SIK2: variants seen among roughly 807,000 people sequenced by gnomAD.
SIK2 encodes serine/threonine-protein kinase SIK2.
Under a neutral mutation model 103.2 loss-of-function variants are expected in SIK2, and 29 were observed. The observed-to-expected ratio is 0.28, with a 90% CI of 0.21 to 0.38. SIK2 has a LOEUF of 0.38. SIK2 is among the 10% of genes least tolerant of loss of function. SIK2 has a pLI of 1.00. For missense variants in SIK2, 879 were observed against 1,171.0 expected, an observed-to-expected ratio of 0.75 and a Z score of 3.64; for synonymous variants, 412 against 446.1, an observed-to-expected ratio of 0.92 and a Z score of 0.96.
At chr11:111,636,098 A>G (rs1372098383) in intron 3 of SIK2, among the ~76,000 whole-genome samples, 1 of 152,196 alleles carries the variant, frequency 6.6e-6, no homozygotes, top group East Asian at 1.9e-4. Context: ...GTGAAAGGGG[A>G]TAACCAGAGG....
At chr11:111,647,131 T>A (rs770227275) in intron 3 of SIK2, among the ~76,000 whole-genome samples, 1 of 152,234 alleles carries the variant, frequency 6.6e-6, no homozygotes, top group Non-Finnish European at 1.5e-5. Context: ...ACTGTTATAG[T>A]AGTCCATCAA....
At chr11:111,638,874 G>GT (rs1228867672) in intron 3 of SIK2, among the ~76,000 whole-genome samples, 1 of 151,570 alleles carries the variant, frequency 6.6e-6, no homozygotes, top group Non-Finnish European at 1.5e-5. Flanking sequence ...TGTTGTTGTT[G>GT]TTTTTTTGTT....
chr11:111,603,736 T>A (rs1325590990), intron 1 of SIK2, among the ~76,000 whole-genome samples: 1 of 152,224 alleles, frequency 6.6e-6, no homozygotes, highest in Non-Finnish European at 1.5e-5. Flanking sequence ...TGACGTACTC[T>A]ACTCTGCCTT....
chr11:111,687,458 T>C (rs1942860559), intron 3 of SIK2, among the ~76,000 whole-genome samples: 1 of 147,310 alleles, frequency 6.8e-6, no homozygotes, highest in African/African-American at 2.5e-5. Context: ...GAGGTTACAG[T>C]GAGCTGAGAT....
chr11:111,636,410 T>C (rs180996405), intron 3 of SIK2, among the ~76,000 whole-genome samples: 1 of 152,358 alleles, frequency 6.6e-6, no homozygotes, highest in Admixed American at 6.5e-5. Context: ...AGCAATACAT[T>C]ATTTATTGAG....
chr11:111,701,407 T>C lies in SIK2; in HGVS notation c.604-45T>C. ...GGATGTTCAGGAAAACAAAGAGTGT[T>C]TGACGTTCTTGGTAGAAAAGTCTCT... is the stretch of plus-strand genomic sequence containing the variant. On this transcript the variant is annotated intron_variant, in intron 5 of 14. Transcript: ENST00000304987. This position sits in a 1 kb window ranked among gnomAD's most constrained non-coding sequence, Gnocchi z 4.2. 6.3e-7 allele frequency: 1 copy of C among 1,595,302 alleles called. No individual in the cohort carries two copies. The highest frequency in any genetic ancestry group is 1.3e-5 in the African/African-American group (1 of 74,570).
intron 3 of SIK2, among the ~76,000 whole-genome samples, chr11:111,684,511 A>T (rs1266039646): frequency 6.6e-6 from 1 of 152,226 alleles, no homozygotes; most frequent in African/African-American, 2.4e-5. Context: ...TTAGCGGTAC[A>T]GCTTAAATAG....
chr11:111,676,416 A>T (rs1372581335), intron 3 of SIK2, among the ~76,000 whole-genome samples: 4 of 152,216 alleles, frequency 2.6e-5, no homozygotes, highest in Non-Finnish European at 5.9e-5. Context: ...CAGCCTTGCC[A>T]GCATCTCTTC....
chr11:111,716,381 A>G (rs1943641950), intron 9 of SIK2, among the ~76,000 whole-genome samples: 1 of 151,698 alleles, frequency 6.6e-6, no homozygotes. Flanking sequence ...GTTCAAGAAC[A>G]GCCTGGCCAA....
In SIK2 at chr11:111,722,350, T is replaced by C. The variant is rs1943827315; in HGVS notation, c.2056-315T>C. Reference sequence around the variant, plus strand: ...GATCCCGTAAAGGATGAATCATTCATTCAGCGGGTGCTGGGGCCTTTGCTC... The same window carrying C: ...GATCCCGTAAAGGATGAATCATTCACTCAGCGGGTGCTGGGGCCTTTGCTC... On this transcript the variant is annotated intron_variant, in intron 13 of 14. Transcript: ENST00000304987. The surrounding 1 kb of genome is among the most constrained non-coding windows in gnomAD (Gnocchi z 4.4). Among the ~76,000 whole-genome samples the C allele has an allele frequency of 1.3e-5, 2 of 152,274 alleles. No homozygotes were observed. Among genetic ancestry groups the C allele is most frequent in the African/African-American group, 4.8e-5 (2 of 41,474 alleles).
intron 4 of SIK2, among the ~76,000 whole-genome samples, chr11:111,694,688 A>T (rs1943029183): frequency 6.6e-6 from 1 of 152,230 alleles, no homozygotes; most frequent in African/African-American, 2.4e-5. Context: ...GTAAAAAGTA[A>T]AAAGAGCTTT....
intron 3 of SIK2, among the ~76,000 whole-genome samples, chr11:111,685,991 G>A (rs1422401811): frequency 1.3e-5 from 2 of 152,170 alleles, no homozygotes; most frequent in East Asian, 3.8e-4. Context: ...TACAAATTCA[G>A]CCAGATTACT....
intron 3 of SIK2, among the ~76,000 whole-genome samples, chr11:111,634,849 C>A (rs1197107987): frequency 6.6e-6 from 1 of 152,188 alleles, no homozygotes; most frequent in Non-Finnish European, 1.5e-5. Context: ...GATTTACAGA[C>A]AAACTTTGCT....
intron 3 of SIK2, among the ~76,000 whole-genome samples, chr11:111,622,702 T>A (rs77438308): frequency 1.1e-5 from 1 of 94,484 alleles, no homozygotes; most frequent in Non-Finnish European, 2.7e-5. Flanking sequence ...GGACTTTTTT[T>A]CTTTCAGTAC....
chr11:111,689,407 G>A (rs1942896174), intron 4 of SIK2, among the ~76,000 whole-genome samples: 1 of 152,156 alleles, frequency 6.6e-6, no homozygotes, highest in South Asian at 2.1e-4. Flanking sequence ...TGGAAGACAG[G>A]AAGACTAATA....
chr11:111,653,263 A>C (rs1942349972), intron 3 of SIK2, among the ~76,000 whole-genome samples: 1 of 152,226 alleles, frequency 6.6e-6, no homozygotes, highest in Admixed American at 6.5e-5. Context: ...GTTTAGTTGG[A>C]GATTCTTTAG....
At chr11:111,709,963 G>A (rs1943453696) in intron 8 of SIK2, among the ~76,000 whole-genome samples, 4 of 152,216 alleles carry the variant, frequency 2.6e-5, no homozygotes, top group Admixed American at 2.0e-4. Context: ...GTGTGTCGTA[G>A]TTAGGGCATG....
In SIK2 at chr11:111,727,534, C is replaced by T; in HGVS notation, c.*3405C>T. 1 of 167,394 alleles carries T rather than the reference C, an allele frequency of 6.0e-6. No individual in the cohort carries two copies. Among genetic ancestry groups the T allele is most frequent in the Non-Finnish European group, 1.3e-5 (1 of 76,358 alleles). The allele number at this position is 167,394 out of a possible 1,614,324, so 10.4% of individuals were successfully genotyped here. On this transcript the variant is annotated 3_prime_UTR_variant, in exon 15 of 15. Coordinates refer to ENST00000304987, the MANE Select transcript of SIK2 (RefSeq NM_015191.3). ...TGATGGGGAGCAAGGGGGGACCCCC[C>T]CTGTAGGAGTATCGGCCTCTCCCCT...
intron 1 of SIK2, among the ~76,000 whole-genome samples, chr11:111,614,751 G>T (rs1941781042): frequency 6.6e-6 from 1 of 152,226 alleles, no homozygotes; most frequent in Non-Finnish European, 1.5e-5. Context: ...ACAGGAGACT[G>T]TGGGAATTAT....
Sources: gnomAD v4.1 joint callset for allele counts (sites outside exome capture counted in the v4.1 genomes callset) on GRCh38, gnomAD v4.1.1 for gene constraint, Gnocchi (gnomAD v3.1) non-coding constraint, MANE v1.5 for transcripts, NCBI Gene and HGNC (gene_info 2026-07-23, HGNC 2026-07-21) for gene names.